The following IL36A variants were observed in gnomAD, a reference collection of about 807,000 sequenced individuals.
IL36A encodes interleukin 36 alpha.
Under a neutral mutation model 12.7 loss-of-function variants are expected in IL36A, and 13 were observed. That is an observed-to-expected ratio of 1.02 (90% CI 0.67 to 1.63). The LOEUF (loss-of-function observed/expected upper bound fraction) is 1.63. Among genes scored for constraint, IL36A ranks in the 40% most tolerant of loss-of-function variants. The pLI, the probability that IL36A is intolerant of heterozygous loss-of-function variation, is 0.00. For missense variants in IL36A, 195 were observed against 192.9 expected (o/e 1.01, Z -0.07); for synonymous variants, 73 against 71.9 (o/e 1.01, Z -0.08).
chr2:113,005,904 G>GA, intron 1 of IL36A, 23 bp downstream of exon 1: 1 of 1,613,754 alleles, frequency 6.2e-7, no homozygotes, highest in East Asian at 2.2e-5. Flanking sequence ...GTGGAAGGGC[G>GA]AAAAATTGAC....
At chr2:113,009,655 A>G (rs1348727530), downstream of IL36A, among the ~76,000 whole-genome samples, 4 of 152,174 alleles carry the variant, frequency 2.6e-5, no homozygotes, top group African/African-American at 7.2e-5. Flanking sequence ...AACCAGTAAG[A>G]TTGTTGGGGA....
chr2:113,005,785 C>T lies in IL36A; in HGVS notation c.-87C>T. On this transcript the variant is annotated 5_prime_UTR_variant, in exon 1 of 4. Coordinates refer to ENST00000259211, the MANE Select transcript of IL36A (RefSeq NM_014440.3). ...CATCTGACCCAGGGTTAAACTGTGGCTTGGGACTGACTCAGGTCCTCTCTT... is the reference window on the plus strand; with the variant it reads ...CATCTGACCCAGGGTTAAACTGTGGTTTGGGACTGACTCAGGTCCTCTCTT... 1 of 1,464,618 alleles carries T rather than the reference C, an allele frequency of 6.8e-7. No homozygotes were observed. Among genetic ancestry groups the T allele is most frequent in the Non-Finnish European group, 9.6e-7 (1 of 1,043,966 alleles). The allele number at this position is 1,464,618 out of a possible 1,614,324, so 90.7% of individuals were successfully genotyped here.
chr2:113,006,118 C>A, intron 2 of IL36A, 31 bp downstream of exon 2: 2 of 1,412,056 alleles, frequency 1.4e-6, no homozygotes, highest in South Asian at 1.2e-5. Context: ...AAAGGCAGCT[C>A]CTTTGGCCAG....
chr2:113,005,773 G>GT lies in IL36A; in HGVS notation c.-97dup, dbSNP rs1684600893. ...CCGCCAGTCTTTCATCTGACCCAGG[G>GT]TTAAACTGTGGCTTGGGACTGACTC... On this transcript the variant is annotated 5_prime_UTR_variant, in exon 1 of 4. Transcript: ENST00000259211. The GT allele has an allele frequency of 8.1e-6, 11 of 1,365,946 alleles. No individual in the cohort carries two copies. The Admixed American group carries it at 1.3e-4, about 17-fold the overall frequency. The allele number at this position is 1,365,946 out of a possible 1,614,324, so 84.6% of individuals were successfully genotyped here. A position where few individuals can be genotyped will look rare whatever the true frequency, so the allele number is the denominator to read the frequency against.
chr2:113,009,809 A>AT (rs546588725), downstream of IL36A, among the ~76,000 whole-genome samples: 96 of 152,332 alleles, frequency 6.3e-4, no homozygotes, highest in African/African-American at 2.1e-3. Flanking sequence ...CTCCCTGCCT[A>AT]TTCTGGCAAG....
chr2:113,006,499 C>A, intron 2 of IL36A, 99 bp from the exon 3 acceptor site: 1 of 1,324,736 alleles, frequency 7.5e-7, no homozygotes, highest in Non-Finnish European at 1.1e-6. Context: ...TCTATGAGTG[C>A]ACTGTGAGTG....
chr2:113,006,710 C>A lies in IL36A; in HGVS notation c.237C>A (p.Val79=). ...ATCTCTGCCTGATGTGTGCTAAAGT[C>A]GGGGACCAGCCCACACTGCAGCTGA... ...GLNLCLMCAK[V]GDQPTLQLKE... is the part of the protein sequence containing the mutation. The change falls in exon 3 of 4, where the codon GTC becomes GTA. Residue 79 remains valine (V), a synonymous_variant. Coordinates refer to ENST00000259211, the MANE Select transcript of IL36A (RefSeq NM_014440.3). The A allele has an allele frequency of 6.2e-7, 1 of 1,614,080 alleles. No individual in the cohort carries two copies. Among genetic ancestry groups the A allele is most frequent in the Non-Finnish European group, 8.5e-7 (1 of 1,180,020 alleles).
downstream of IL36A, among the ~76,000 whole-genome samples, chr2:113,010,897 A>T (rs1684715683): frequency 6.6e-6 from 1 of 152,180 alleles, no homozygotes; most frequent in African/African-American, 2.4e-5. Context: ...CAGTCCCTGG[A>T]AACCACCATT....
In IL36A at chr2:113,005,556, T is replaced by TG. The variant is rs1226302993; in HGVS notation, c.-315dup. On this transcript the variant is annotated 5_prime_UTR_variant, in exon 1 of 4. The change creates a premature stop within an existing upstream ORF in the 5' untranslated region. Coordinates refer to ENST00000259211, the MANE Select transcript of IL36A (RefSeq NM_014440.3). ...GTGTGGCCTATGCTGGAAAGTCTGG[T>TG]GACCTCTGATTTTTTTTGCTTCCAG... The TG allele has an allele frequency of 1.2e-5, 6 of 499,902 alleles. No homozygotes were observed. The highest frequency in any genetic ancestry group is 2.2e-5 in the Non-Finnish European group (6 of 276,154). The allele number at this position is 499,902 out of a possible 1,614,324, so 31.0% of individuals were successfully genotyped here.
In IL36A at chr2:113,007,859, C is replaced by A. The variant is rs1210017191; in HGVS notation, c.292C>A (p.Gln98Lys). Residue 98 changes from glutamine (Q) to lysine (K), a missense_variant, in exon 4 of 4, where the codon CAA becomes AAA. Transcript: ENST00000259211. The part of the protein sequence containing the change: ...KEKDIMDLYN[Q>K]PEPVKSFLFY... ...AAAGGATATAATGGATTTGTACAAC[C>A]AACCCGAGCCTGTGAAGTCCTTTCT... 6.2e-7 allele frequency: 1 copy of A among 1,614,094 alleles called. No individual in the cohort carries two copies. Among genetic ancestry groups the A allele is most frequent in the African/African-American group, 1.3e-5 (1 of 75,012 alleles).
At position 113,006,100 on chromosome 2, in the gene IL36A, G is replaced by C. The variant is rs372617143; in HGVS notation, c.124+13G>C. The C allele has an allele frequency of 1.9e-6, 3 of 1,556,426 alleles. No individual in the cohort carries two copies. Among genetic ancestry groups the C allele is most frequent in the Non-Finnish European group, 1.8e-6 (2 of 1,127,700 alleles). Reference sequence around the variant, plus strand: ...CGTATGTCTCCAGGTGAGTAGCCACGGTCTGTGAAAGGCAGCTCCTTTGGC... The same window carrying C: ...CGTATGTCTCCAGGTGAGTAGCCACCGTCTGTGAAAGGCAGCTCCTTTGGC... On this transcript the variant is annotated intron_variant, in intron 2 of 3. Coordinates refer to ENST00000259211, the MANE Select transcript of IL36A (RefSeq NM_014440.3).
intron 3 of IL36A, among the ~76,000 whole-genome samples, chr2:113,007,332 T>TG (rs1684643129): frequency 6.6e-6 from 1 of 152,122 alleles, no homozygotes; most frequent in South Asian, 2.1e-4. Flanking sequence ...CAACCTGGGA[T>TG]GGGGGTGTGA....
At chr2:113,006,808 T>C (rs1410444516) in intron 3 of IL36A, 71 bp downstream of exon 3, 1 of 1,531,476 alleles carries the variant, frequency 6.5e-7, no homozygotes, top group Non-Finnish European at 9.0e-7. Flanking sequence ...TAAAAGACAA[T>C]GTACTTATTA....
At chr2:113,010,748 C>T (rs764236050), downstream of IL36A, among the ~76,000 whole-genome samples, 1 of 152,026 alleles carries the variant, frequency 6.6e-6, no homozygotes, top group African/African-American at 2.4e-5. Context: ...GATATACTTG[C>T]CTAATAAATT....
At position 113,006,709 on chromosome 2, in the gene IL36A, T is replaced by C. The variant is rs750546968; in HGVS notation, c.236T>C (p.Val79Ala). The C allele has an allele frequency of 6.2e-7, 1 of 1,614,116 alleles. No individual in the cohort carries two copies. The highest frequency in any genetic ancestry group is 8.5e-7 in the Non-Finnish European group (1 of 1,180,020). The part of the protein sequence containing the change: ...GLNLCLMCAK[V>A]GDQPTLQLKE... ...AATCTCTGCCTGATGTGTGCTAAAG[T>C]CGGGGACCAGCCCACACTGCAGCTG... Residue 79 changes from valine (V) to alanine (A), a missense_variant, in exon 3 of 4, where the codon GTC becomes GCC. Coordinates refer to ENST00000259211, the MANE Select transcript of IL36A (RefSeq NM_014440.3).
chr2:113,005,954 C>T lies in IL36A; in HGVS notation c.11-20C>T. 1.2e-6 allele frequency: 2 copies of T among 1,611,422 alleles called. No individual in the cohort carries two copies. Among genetic ancestry groups the T allele is most frequent in the Non-Finnish European group, 1.7e-6 (2 of 1,177,504 alleles). On this transcript the variant is annotated intron_variant, in intron 1 of 3. Transcript: ENST00000259211. Reference sequence around the variant, plus strand: ...CTGTGCTCTCATTCTTACTAATTTACATTTTGACTTTCTCAACAGCATTGA... The same window carrying T: ...CTGTGCTCTCATTCTTACTAATTTATATTTTGACTTTCTCAACAGCATTGA...
rs185471926 is a variant in IL36A at position 113,006,666 on chromosome 2, C to A, written c.193C>A (p.Leu65Met). The change falls in exon 3 of 4, where the codon CTG becomes ATG. Residue 65 changes from leucine to methionine, a missense_variant. Leu to Met is a conservative substitution (Grantham distance 15). Transcript: ENST00000259211. ...LEKDRGNPIY[L>M]GLNGLNLCLM... is the part of the protein sequence containing the mutation. ...GAAAGACAGAGGGAACCCCATCTAC[C>A]TGGGCCTGAATGGACTCAATCTCTG... 238 of 1,614,146 alleles carry A rather than the reference C, an allele frequency of 1.5e-4. 2 individuals carry two copies. The Middle Eastern group carries it at 2.1e-3, about 15-fold the overall frequency.
In IL36A at chr2:113,005,607, A is replaced by G. The variant is rs1684597801; in HGVS notation, c.-265A>G. ...GTCTTTGGCCTTGGCACTCTTTGTC[A>G]TATTAGAGTTCCTGGGTCTAGGCCT... is the stretch of plus-strand genomic sequence containing the variant. On this transcript the variant is annotated 5_prime_UTR_variant, in exon 1 of 4. Transcript: ENST00000259211. 1 of 572,758 alleles carries G rather than the reference A, an allele frequency of 1.7e-6. No individual in the cohort carries two copies. Among genetic ancestry groups the G allele is most frequent in the Non-Finnish European group, 3.1e-6 (1 of 319,752 alleles). The allele number at this position is 572,758 out of a possible 1,614,324, so 35.5% of individuals were successfully genotyped here.
chr2:113,006,820 G>A, intron 3 of IL36A, 83 bp downstream of exon 3: 2 of 1,431,168 alleles, frequency 1.4e-6, no homozygotes, highest in East Asian at 4.7e-5. Context: ...TACTTATTAT[G>A]CTCATGCATT....
Sources: gnomAD v4.1 joint callset for allele counts (sites outside exome capture counted in the v4.1 genomes callset) on GRCh38, gnomAD v4.1.1 for gene constraint, MANE v1.5 for transcripts, NCBI Gene and HGNC (gene_info 2026-07-23, HGNC 2026-07-21) for gene names.